FSTL4: variants seen among roughly 807,000 people sequenced by gnomAD.
FSTL4 encodes the protein follistatin like 4, also known as follistatin-related protein 4.
FSTL4 carries 28 observed loss-of-function variants against 78.2 expected under a neutral mutation model. That is an observed-to-expected ratio of 0.36 (90% CI 0.27 to 0.49). The LOEUF (loss-of-function observed/expected upper bound fraction) is 0.49, where lower values mean the gene tolerates loss of function less well. Ranked by LOEUF, FSTL4 falls within the 20% of genes least tolerant of loss-of-function variation. The pLI is 0.98. For synonymous variants in FSTL4, 422 were observed against 440.5 expected, an observed-to-expected ratio of 0.96 and a Z score of 0.53; for missense variants, 922 against 1,084.9, an observed-to-expected ratio of 0.85 and a Z score of 2.11.
chr5:133,199,359 C>T lies in FSTL4; in HGVS notation c.2265G>A (p.Leu755=), dbSNP rs777510602. ...GGAACAGCAGGTCCGGCTCCGTGTGCAGAGCCGCGTAGATGTTGTATTGAT... is the reference window on the plus strand; with the variant it reads ...GGAACAGCAGGTCCGGCTCCGTGTGTAGAGCCGCGTAGATGTTGTATTGAT... ...ESNQYNIYAA[L]HTEPDLLFLE... The change falls in exon 16 of 16, where the codon CTG becomes CTA. Residue 755 remains leucine (L), a synonymous_variant. Coordinates refer to ENST00000265342, the MANE Select transcript of FSTL4 (RefSeq NM_015082.2). The surrounding 1 kb of genome is among the most constrained non-coding windows in gnomAD (Gnocchi z 4.4). 73 of 1,614,028 alleles carry T rather than the reference C, an allele frequency of 4.5e-5. No homozygotes were observed. The highest frequency in any genetic ancestry group is 6.1e-5 in the Non-Finnish European group (72 of 1,180,002).
chr5:133,501,318 G>A (rs991179922), intron 3 of FSTL4, among the ~76,000 whole-genome samples: 5 of 152,182 alleles, frequency 3.3e-5, no homozygotes, highest in African/African-American at 1.2e-4. Flanking sequence ...GCTGGGGATT[G>A]GAGCACAAAA....
At chr5:133,828,372 T>C in the FSTL4 span, among the ~76,000 whole-genome samples, 1 of 152,232 alleles carries the variant, frequency 6.6e-6, no homozygotes, top group Non-Finnish European at 1.5e-5. Context: ...TCACCCTCAG[T>C]GACAGGATTT....
At chr5:133,766,541 T>C in the FSTL4 span, among the ~76,000 whole-genome samples, 8,879 of 152,298 alleles carry the variant, frequency 0.058, 390 homozygotes, top group East Asian at 0.17. Flanking sequence ...TCTTGGCCTC[T>C]AGCTTGGAGG....
At chr5:133,240,119 C>T (rs1031662088) in intron 7 of FSTL4, among the ~76,000 whole-genome samples, 2 of 152,210 alleles carry the variant, frequency 1.3e-5, no homozygotes, top group East Asian at 1.9e-4. Flanking sequence ...AGGTCTGCAG[C>T]TGCACTTCTG....
chr5:133,491,210 T>G (rs1400997851), intron 3 of FSTL4, among the ~76,000 whole-genome samples: 1 of 152,164 alleles, frequency 6.6e-6, no homozygotes, highest in Non-Finnish European at 1.5e-5. Flanking sequence ...GATTGTAAAT[T>G]TGTCGATGTT....
At chr5:133,757,505 T>C in the FSTL4 span, among the ~76,000 whole-genome samples, 2 of 152,234 alleles carry the variant, frequency 1.3e-5, no homozygotes, top group Non-Finnish European at 2.9e-5. Context: ...AATTTTGTTA[T>C]CCACCTCGGA....
chr5:133,294,962 CG>C, intron 6 of FSTL4, among the ~76,000 whole-genome samples: 1 of 152,278 alleles, frequency 6.6e-6, no homozygotes, highest in East Asian at 1.9e-4. Flanking sequence ...TGCTTATACC[CG>C]GGTAGCTGAA....
chr5:133,685,918 C>T, the FSTL4 span, among the ~76,000 whole-genome samples: 425 of 152,266 alleles, frequency 2.8e-3, 4 homozygotes, highest in Non-Finnish European at 7.5e-4. Context: ...TTTTCTTATT[C>T]GCCACACAAT....
intron 4 of FSTL4, among the ~76,000 whole-genome samples, chr5:133,346,189 C>T (rs1032626603): frequency 1.3e-5 from 2 of 151,876 alleles, no homozygotes; most frequent in African/African-American, 4.8e-5. Flanking sequence ...GGGAGTTGAA[C>T]AATGGGAACA....
At chr5:133,452,059 A>G (rs11738902) in intron 3 of FSTL4, among the ~76,000 whole-genome samples, 60,049 of 152,064 alleles carry the variant, frequency 0.39, 12,068 homozygotes, top group East Asian at 0.52. Flanking sequence ...AGATAGACCT[A>G]CAGAGTATCT....
chr5:133,675,766 G>A, the FSTL4 span, among the ~76,000 whole-genome samples: 1 of 152,190 alleles, frequency 6.6e-6, no homozygotes, highest in Admixed American at 6.5e-5. Flanking sequence ...CACAAAAAAT[G>A]GGGGTTAAAG....
chr5:133,748,514 T>C, the FSTL4 span, among the ~76,000 whole-genome samples: 1 of 152,180 alleles, frequency 6.6e-6, no homozygotes, highest in Non-Finnish European at 1.5e-5. Flanking sequence ...GAGGTTGCAG[T>C]AAGCCGAGAT....
At chr5:133,537,972 GCCTTTAATCCTAAAGCGTATATTT>G (rs1005023058) in intron 3 of FSTL4, among the ~76,000 whole-genome samples, 1 of 151,966 alleles carries the variant, frequency 6.6e-6, no homozygotes, top group African/African-American at 2.4e-5. Context: ...AGCCCCATGT[GCCTTTAATCCTAAAGCGTATATTT>G]CCTGAGGTCA....
chr5:133,612,864 G>C (rs1275931482), upstream of FSTL4, among the ~76,000 whole-genome samples: 1 of 152,192 alleles, frequency 6.6e-6, no homozygotes, highest in Admixed American at 6.5e-5. This position sits in a 1 kb window ranked among gnomAD's most constrained non-coding sequence, Gnocchi z 6.2. Context: ...AGGCGCACAG[G>C]GGGTCTCTGA....
chr5:133,633,807 C>T, the FSTL4 span, among the ~76,000 whole-genome samples: 2 of 151,984 alleles, frequency 1.3e-5, no homozygotes, highest in Non-Finnish European at 2.9e-5. Flanking sequence ...ATCTGTTACT[C>T]CCCAGTGGGT....
rs140534952 is a variant in FSTL4, at chr5:133,475,037, G to C, written c.161-74051C>G. ...AATAAAAAGGAATGCCTCAGCTCAT[G>C]TGTCACAAGCAGGCTGTGAGCCTCG... On this transcript the variant is annotated intron_variant, in intron 3 of 15. Transcript: ENST00000265342. 6.6e-3 allele frequency among the ~76,000 whole-genome samples: 1,003 copies of C among 152,334 alleles called. 13 individuals are homozygous for C. The highest frequency in any genetic ancestry group is 0.023 in the African/African-American group (945 of 41,578).
intron 3 of FSTL4, among the ~76,000 whole-genome samples, chr5:133,477,972 C>T (rs774067384): frequency 2.0e-5 from 3 of 152,200 alleles, no homozygotes. Context: ...GCTTTGACAG[C>T]GATGACATCT....
chr5:133,385,840 T>A (rs369269568), intron 4 of FSTL4, among the ~76,000 whole-genome samples: 5 of 152,198 alleles, frequency 3.3e-5, no homozygotes, highest in African/African-American at 1.2e-4. Flanking sequence ...CGGGCACATG[T>A]CAGCTACACG....
At chr5:133,629,726 A>T in the FSTL4 span, among the ~76,000 whole-genome samples, 4 of 152,238 alleles carry the variant, frequency 2.6e-5, no homozygotes, top group Non-Finnish European at 5.9e-5. Flanking sequence ...TCCCTGACGA[A>T]CATCAATGCA....
Sources: gnomAD v4.1 joint callset for allele counts (sites outside exome capture counted in the v4.1 genomes callset) on GRCh38, gnomAD v4.1.1 for gene constraint, Gnocchi (gnomAD v3.1) non-coding constraint, MANE v1.5 for transcripts, NCBI Gene and HGNC (gene_info 2026-07-23, HGNC 2026-07-21) for gene names.